The following DMXL2 variants were observed in gnomAD, a reference collection of about 807,000 sequenced individuals.
The protein encoded by DMXL2 is Dmx like 2.
In DMXL2, 103 loss-of-function variants were observed where a neutral mutation model predicts 331.1. The ratio of observed to expected loss-of-function variants is 0.31; its 90% CI spans 0.27 to 0.37. The LOEUF (loss-of-function observed/expected upper bound fraction) is 0.37. DMXL2 is among the 10% of genes least tolerant of loss of function. DMXL2 has a pLI of 1.00. For synonymous variants in DMXL2, 1,281 were observed against 1,252.1 expected (o/e 1.02, Z -0.49); for missense variants, 3,171 against 3,642.9 (o/e 0.87, Z 3.33).
At chr15:51,602,335 T>TC (rs899385364) in intron 1 of DMXL2, among the ~76,000 whole-genome samples, 23 of 152,120 alleles carry the variant, frequency 1.5e-4, no homozygotes, top group Non-Finnish European at 2.8e-4. Flanking sequence ...ATCTTTTTTT[T>TC]CCCTTTTCTC....
In DMXL2 at chr15:51,499,522, T is replaced by A; in HGVS notation, c.3702A>T (p.Arg1234Ser). The A allele has an allele frequency of 2.5e-6, 4 of 1,614,104 alleles. No individual in the cohort carries two copies. The highest frequency in any genetic ancestry group is 3.4e-6 in the Non-Finnish European group (4 of 1,180,014). The change falls in exon 18 of 44, where the codon AGA becomes AGT. Residue 1234 changes from arginine to serine, a missense_variant. Arg to Ser is a moderately radical substitution (Grantham distance 110, BLOSUM62 -1). Transcript: ENST00000560891. The part of the protein sequence containing the change: ...QGVKSRWVLL[R>S]SIDLVSSVDG... ...CAACAGAAGATACCAAGTCTATAGA[T>A]CTAAGAAGAACCCATCTTGACTTAA...
Position 51,459,805 on chromosome 15 carries a change from G to A in DMXL2, c.7927-145C>T, listed in dbSNP as rs559126417. 3.8e-5 allele frequency: 45 copies of A among 1,194,700 alleles called. 1 individual carries two copies. The South Asian group carries it at 4.2e-4, about 11-fold the overall frequency. The allele number at this position is 1,194,700 out of a possible 1,614,324, so 74.0% of individuals were successfully genotyped here. Reference sequence around the variant, plus strand: ...TGCAAAATCAAGAAAAAATTAAACCGAATAAAACAGTCATCAAATAAACAC... The same window carrying A: ...TGCAAAATCAAGAAAAAATTAAACCAAATAAAACAGTCATCAAATAAACAC... On this transcript the variant is annotated intron_variant, in intron 33 of 43. Transcript: ENST00000560891.
At chr15:51,464,220 G>A (rs2040375178) in intron 32 of DMXL2, among the ~76,000 whole-genome samples, 1 of 152,136 alleles carries the variant, frequency 6.6e-6, no homozygotes, top group South Asian at 2.1e-4. Context: ...TGGGCAACAT[G>A]GTGAAACCCT....
intron 1 of DMXL2, among the ~76,000 whole-genome samples, chr15:51,577,544 A>C (rs951456210): frequency 7.9e-5 from 12 of 152,224 alleles, no homozygotes; most frequent in African/African-American, 2.4e-5. Flanking sequence ...ATTCTTATAG[A>C]CAAGGCAGAC....
intron 39 of DMXL2, 23 bp from the exon 40 acceptor site, chr15:51,455,251 A>C (rs540592732): frequency 6.3e-7 from 1 of 1,590,532 alleles, no homozygotes; most frequent in South Asian, 1.1e-5. Flanking sequence ...TATAACTACT[A>C]AACACATGTT....
At chr15:51,573,989 T>G (rs945057565) in intron 2 of DMXL2, among the ~76,000 whole-genome samples, 1 of 151,972 alleles carries the variant, frequency 6.6e-6, no homozygotes, top group African/African-American at 2.4e-5. Context: ...ATAAAATCTA[T>G]GAGAAAAGCA....
At chr15:51,478,955 T>C (rs1595949318) in intron 25 of DMXL2, among the ~76,000 whole-genome samples, 1 of 152,188 alleles carries the variant, frequency 6.6e-6, no homozygotes, top group South Asian at 2.1e-4. Flanking sequence ...AATGCTATAC[T>C]GAATCAATAT....
chr15:51,592,988 A>C (rs1415131028), intron 1 of DMXL2, among the ~76,000 whole-genome samples: 2 of 152,244 alleles, frequency 1.3e-5, no homozygotes, highest in Non-Finnish European at 2.9e-5. Flanking sequence ...CATCGAGGCT[A>C]AGAAGACATT....
chr15:51,592,466 C>G (rs1484590830), intron 1 of DMXL2, among the ~76,000 whole-genome samples: 1 of 152,108 alleles, frequency 6.6e-6, no homozygotes, highest in African/African-American at 2.4e-5. Context: ...GTGACAGGGA[C>G]AATGGAACCA....
At chr15:51,575,170 A>C (rs1228105396) in intron 2 of DMXL2, among the ~76,000 whole-genome samples, 2 of 152,158 alleles carry the variant, frequency 1.3e-5, no homozygotes, top group East Asian at 3.8e-4. Flanking sequence ...TTAAGGCTTG[A>C]TATGGGCAGT....
At chr15:51,589,290 C>A (rs887353065) in intron 1 of DMXL2, among the ~76,000 whole-genome samples, 6 of 152,140 alleles carry the variant, frequency 3.9e-5, no homozygotes, top group Admixed American at 3.9e-4. Context: ...AGATCAGATG[C>A]CCAAAGACAA....
In DMXL2 at chr15:51,488,724, C is replaced by T. The variant is rs561264855; in HGVS notation, c.4954-79G>A. ...ATTAATCAACAATAATGTTCCCCTG[C>T]TACTTCCATGGCTGATAGAAACTGT... On this transcript the variant is annotated intron_variant, in intron 20 of 43. Transcript: ENST00000560891. The T allele has an allele frequency of 2.8e-5, 35 of 1,244,284 alleles. No individual in the cohort carries two copies. In the South Asian group the frequency reaches 4.6e-4, roughly 16 times the overall value. The allele number at this position is 1,244,284 out of a possible 1,614,324, so 77.1% of individuals were successfully genotyped here.
intron 15 of DMXL2, among the ~76,000 whole-genome samples, chr15:51,508,999 G>A (rs958571811): frequency 6.6e-6 from 1 of 152,034 alleles, no homozygotes; most frequent in Non-Finnish European, 1.5e-5. Context: ...TGAATCTTCC[G>A]AATCTTAATA....
intron 1 of DMXL2, among the ~76,000 whole-genome samples, chr15:51,587,403 G>A (rs1287573284): frequency 2.0e-5 from 3 of 151,974 alleles, no homozygotes; most frequent in Non-Finnish European, 4.4e-5. Flanking sequence ...CCACCTACGA[G>A]TGAGAATATG....
intron 13 of DMXL2, among the ~76,000 whole-genome samples, chr15:51,521,455 A>AGTG (rs1445040422): frequency 6.1e-5 from 9 of 147,022 alleles, no homozygotes; most frequent in Non-Finnish European, 4.5e-5. Context: ...TAGTAGTAGT[A>AGTG]GTAGTAGTGG....
In DMXL2 at chr15:51,622,687, C is replaced by G. The variant is rs372064075; in HGVS notation, c.-142G>C. 3.0e-5 allele frequency: 42 copies of G among 1,410,118 alleles called. No homozygotes were observed. In the East Asian group the frequency reaches 4.2e-4, roughly 14 times the overall value. The allele number at this position is 1,410,118 out of a possible 1,614,324, so 87.4% of individuals were successfully genotyped here. On this transcript the variant is annotated 5_prime_UTR_variant, in exon 1 of 44. Coordinates refer to ENST00000560891, the MANE Select transcript of DMXL2 (RefSeq NM_001378457.1). ...AGGCTCTGGCTTAACTCCTCGCCCCCCTTTCGCCTTCCCTCCGCCTCGTCC... is the reference window on the plus strand; with the variant it reads ...AGGCTCTGGCTTAACTCCTCGCCCCGCTTTCGCCTTCCCTCCGCCTCGTCC...
At chr15:51,582,064 C>T (rs565945830) in intron 1 of DMXL2, among the ~76,000 whole-genome samples, 1 of 152,206 alleles carries the variant, frequency 6.6e-6, no homozygotes, top group South Asian at 2.1e-4. Context: ...GAAGAAGGTA[C>T]ATTTTATTAA....
chr15:51,506,685 C>T (rs2046421712), intron 16 of DMXL2, among the ~76,000 whole-genome samples: 1 of 151,786 alleles, frequency 6.6e-6, no homozygotes, highest in South Asian at 2.1e-4. Context: ...GATCTCCTGA[C>T]CTCGTGATCC....
chr15:51,450,477 A>C, intron 42 of DMXL2, 131 bp from the exon 43 acceptor site: 1 of 892,258 alleles, frequency 1.1e-6, no homozygotes, highest in Non-Finnish European at 1.7e-6. Context: ...ATTGTTTTGT[A>C]AGTCATTGAA....
Sources: allele counts gnomAD v4.1 joint callset (sites outside exome capture counted in the v4.1 genomes callset), GRCh38; gene constraint gnomAD v4.1.1; transcripts MANE v1.5; gene names NCBI Gene and HGNC (gene_info 2026-07-23, HGNC 2026-07-21).